NPAS2: variants seen among roughly 807,000 people sequenced by gnomAD.
NPAS2 encodes neuronal PAS domain protein 2.
Under a neutral mutation model 107.5 loss-of-function variants are expected in NPAS2, and 23 were observed. That is an observed-to-expected ratio of 0.21 (90% CI 0.15 to 0.30). The LOEUF is 0.30. Ranked by LOEUF, NPAS2 falls within the 10% of genes least tolerant of loss-of-function variation. The pLI is 1.00. For missense variants in NPAS2, 756 were observed against 1,043.3 expected (o/e 0.72, Z 3.79); for synonymous variants, 403 against 417.5 (o/e 0.97, Z 0.42).
rs189997257 is a variant in NPAS2, at chr2:100,870,633, C to T, written c.-22-34100C>T. Among the ~76,000 whole-genome samples, 403 of 152,256 alleles carry T rather than the reference C, an allele frequency of 2.6e-3. 4 individuals carry two copies. Among genetic ancestry groups the T allele is most frequent in the South Asian group, 0.025 (120 of 4,824 alleles). ...TGGTCTCAAACTCAACTCAAGCAAT[C>T]CTCCTGCCTTGGCCTCCCAAAGTAC... On this transcript the variant is annotated intron_variant, in intron 1 of 20. Transcript: ENST00000335681.
chr2:100,937,292 C>T (rs1684386356), intron 4 of NPAS2, among the ~76,000 whole-genome samples: 1 of 152,196 alleles, frequency 6.6e-6, no homozygotes, highest in Non-Finnish European at 1.5e-5. Context: ...CCAACAGGCA[C>T]ACTTTCTGTT....
intron 5 of NPAS2, 26 bp downstream of exon 5, chr2:100,937,868 A>C: frequency 6.6e-7 from 1 of 1,505,420 alleles, no homozygotes; most frequent in Non-Finnish European, 9.3e-7. Context: ...AATGGCCTTT[A>C]CCGGTTCACG....
chr2:100,964,028 C>T (rs374610224), intron 7 of NPAS2, 30 bp from the exon 8 acceptor site: 10 of 1,450,938 alleles, frequency 6.9e-6, no homozygotes, highest in Non-Finnish European at 9.7e-6. Flanking sequence ...CAGGGCTAAC[C>T]TATGTGTCCT....
Position 100,965,534 on chromosome 2 carries a change from A to C in NPAS2, c.801-126A>C. The C allele has an allele frequency of 1.6e-6, 1 of 620,862 alleles. No homozygotes were observed. Among genetic ancestry groups the C allele is most frequent in the Non-Finnish European group, 2.8e-6 (1 of 351,558 alleles). The allele number at this position is 620,862 out of a possible 1,614,324, so 38.5% of individuals were successfully genotyped here. On this transcript the variant is annotated intron_variant, in intron 9 of 20. Coordinates refer to ENST00000335681, the MANE Select transcript of NPAS2 (RefSeq NM_002518.4). The surrounding 1 kb of genome is among the most constrained non-coding windows in gnomAD (Gnocchi z 4.3). The stretch of plus-strand genomic sequence containing the variant: ...CTCTGATTTTGACCATTACAAAGTT[A>C]TTTTTCTCCCCTTGTTCTTGAGAAA...
chr2:100,896,081 G>A (rs17654772), intron 1 of NPAS2, among the ~76,000 whole-genome samples: 29,311 of 152,150 alleles, frequency 0.19, 3,858 homozygotes, highest in Non-Finnish European at 0.28. Flanking sequence ...TGCAATGAAT[G>A]GAACTCACCT....
chr2:100,946,470 G>GA (rs1390389677), intron 5 of NPAS2, among the ~76,000 whole-genome samples: 4 of 152,176 alleles, frequency 2.6e-5, no homozygotes, highest in African/African-American at 9.7e-5. Flanking sequence ...CTGCCTGAGG[G>GA]AACAGCCCAG....
chr2:100,909,569 C>CGGGCCCTCAGCATTGGACAGT (rs1210764846), intron 2 of NPAS2, among the ~76,000 whole-genome samples: 11 of 152,206 alleles, frequency 7.2e-5, no homozygotes, highest in Admixed American at 1.3e-4. Flanking sequence ...GTGAGAACCC[C>CGGGCCCTCAGCATTGGACAGT]GGGCCCTCAG....
upstream of NPAS2, among the ~76,000 whole-genome samples, chr2:100,819,007 C>T (rs1287979707): frequency 6.6e-6 from 1 of 152,170 alleles, no homozygotes; most frequent in African/African-American, 2.4e-5. This position sits in a 1 kb window ranked among gnomAD's most constrained non-coding sequence, Gnocchi z 5.8. Context: ...ACAGCAGCCC[C>T]GGCACCCGGG....
intron 12 of NPAS2, among the ~76,000 whole-genome samples, chr2:100,971,298 C>CAAAAAAAAA (rs35040339): frequency 6.8e-5 from 7 of 102,552 alleles, no homozygotes; most frequent in African/African-American, 2.7e-4. Context: ...GACTCTATCT[C>CAAAAAAAAA]AAAAAAAAAA....
At chr2:100,905,302 A>G (rs908080105) in intron 2 of NPAS2, among the ~76,000 whole-genome samples, 1 of 152,082 alleles carries the variant, frequency 6.6e-6, no homozygotes, top group Non-Finnish European at 1.5e-5. Flanking sequence ...TGGAGATGTC[A>G]TAGACACCTT....
intron 17 of NPAS2, 185 bp downstream of exon 17, chr2:100,988,461 C>T: frequency 1.7e-6 from 1 of 593,328 alleles, no homozygotes; most frequent in South Asian, 2.1e-5. Context: ...CTTTGAAACC[C>T]CAAGTTGTAT....
intron 1 of NPAS2, among the ~76,000 whole-genome samples, chr2:100,901,141 C>G (rs1389846843): frequency 6.6e-6 from 1 of 152,138 alleles, no homozygotes; most frequent in African/African-American, 2.4e-5. Context: ...TCTGGGGGCT[C>G]TTTGTAAAGG....
chr2:100,849,470 C>G (rs1234923103), intron 1 of NPAS2, among the ~76,000 whole-genome samples: 1 of 152,074 alleles, frequency 6.6e-6, no homozygotes, highest in African/African-American at 2.4e-5. Context: ...GTTTCACCTC[C>G]CAGGTCTTCA....
intron 1 of NPAS2, among the ~76,000 whole-genome samples, chr2:100,839,117 C>G (rs1677241686): frequency 6.6e-6 from 1 of 151,938 alleles, no homozygotes; most frequent in African/African-American, 2.4e-5. Context: ...AGGATGAAGA[C>G]TTGTTTTGTT....
intron 10 of NPAS2, among the ~76,000 whole-genome samples, chr2:100,967,176 A>C (rs1261193493): frequency 6.7e-6 from 1 of 148,778 alleles, no homozygotes; most frequent in Admixed American, 6.7e-5. Context: ...TGTGGAGCCC[A>C]CACCCTCAAT....
intron 20 of NPAS2, 89 bp from the exon 21 acceptor site, chr2:100,995,311 A>T: frequency 8.1e-7 from 1 of 1,228,672 alleles, no homozygotes; most frequent in Non-Finnish European, 1.1e-6. Context: ...GTCTAACTCA[A>T]CCTGCAGCAT....
intron 7 of NPAS2, among the ~76,000 whole-genome samples, chr2:100,961,828 C>A (rs536395332): frequency 7.9e-5 from 12 of 152,288 alleles, no homozygotes; most frequent in Non-Finnish European, 1.3e-4. Context: ...GATGTTGCAT[C>A]GTTTAGAGAT....
In NPAS2 at chr2:100,976,702, C is replaced by G. The variant is rs1270875551; in HGVS notation, c.1393-1008C>G. ...CGTTTTATTTTCAAGTAGAATGTGGCAAAGACCACTTACTTTCTCTCCAGC... is the reference window on the plus strand; with the variant it reads ...CGTTTTATTTTCAAGTAGAATGTGGGAAAGACCACTTACTTTCTCTCCAGC... On this transcript the variant is annotated intron_variant, in intron 14 of 20. Transcript: ENST00000335681. The surrounding 1 kb of genome is among the most constrained non-coding windows in gnomAD (Gnocchi z 4.1). The G allele has an allele frequency of 6.6e-6, 1 of 152,180 alleles. No homozygotes were observed. The highest frequency in any genetic ancestry group is 6.6e-5 in the Admixed American group (1 of 15,264). The allele number at this position is 152,180 out of a possible 1,614,324, so 9.4% of individuals were successfully genotyped here.
At chr2:100,916,323 AACCTAAAT>A (rs1195547001) in intron 2 of NPAS2, among the ~76,000 whole-genome samples, 1 of 152,174 alleles carries the variant, frequency 6.6e-6, no homozygotes, top group Non-Finnish European at 1.5e-5. Flanking sequence ...TTTTTTCAGT[AACCTAAAT>A]ACCTAAATAT....
Sources: gnomAD v4.1 joint callset for allele counts (sites outside exome capture counted in the v4.1 genomes callset) on GRCh38, gnomAD v4.1.1 for gene constraint, Gnocchi (gnomAD v3.1) non-coding constraint, MANE v1.5 for transcripts, NCBI Gene and HGNC (gene_info 2026-07-23, HGNC 2026-07-21) for gene names.